The following PTPN2 variants were observed in gnomAD, a reference collection of about 807,000 sequenced individuals.
PTPN2 encodes the protein protein tyrosine phosphatase non-receptor type 2, also known as tyrosine-protein phosphatase non-receptor type 2.
PTPN2 carries 19 observed loss-of-function variants against 57.3 expected under a neutral mutation model. The ratio of observed to expected loss-of-function variants is 0.33; its 90% confidence interval spans 0.23 to 0.49. PTPN2 has a LOEUF of 0.49. Among genes scored for constraint, PTPN2 ranks in the 20% least tolerant of loss-of-function variants. The pLI, the probability that PTPN2 is intolerant of heterozygous loss-of-function variation, is 0.99. For synonymous variants in PTPN2, 153 were observed against 164.9 expected, an observed-to-expected ratio of 0.93 and a Z score of 0.55; for missense variants, 358 against 501.1, an observed-to-expected ratio of 0.71 and a Z score of 2.73.
intron 5 of PTPN2, among the ~76,000 whole-genome samples, chr18:12,818,162 T>C (rs1409589868): frequency 2.6e-5 from 4 of 152,220 alleles, no homozygotes; most frequent in African/African-American, 7.2e-5. Flanking sequence ...AAATTTTTTT[T>C]CTACCAGTAT....
chr18:12,858,098 C>T (rs1336641727), intron 2 of PTPN2, among the ~76,000 whole-genome samples: 1 of 152,074 alleles, frequency 6.6e-6, no homozygotes, highest in Non-Finnish European at 1.5e-5. Flanking sequence ...CCAATGACTA[C>T]AATGTATATA....
chr18:12,870,521 T>TTA (rs2044233815), intron 1 of PTPN2, among the ~76,000 whole-genome samples: 1 of 134,846 alleles, frequency 7.4e-6, no homozygotes, highest in South Asian at 2.5e-4. Flanking sequence ...TTTTTTTTTT[T>TTA]TTTTTGAGAC....
chr18:12,866,164 C>G (rs181520281), intron 1 of PTPN2, among the ~76,000 whole-genome samples: 1 of 152,300 alleles, frequency 6.6e-6, no homozygotes, highest in Admixed American at 6.5e-5. Context: ...ACCAGCCGGG[C>G]GCGGTGGCTC....
chr18:12,843,440 A>G (rs2043110995), intron 2 of PTPN2, among the ~76,000 whole-genome samples: 1 of 152,196 alleles, frequency 6.6e-6, no homozygotes, highest in African/African-American at 2.4e-5. Flanking sequence ...TCTAGAAACA[A>G]CCACACCCTC....
exon 1 of PTPN2, chr18:12,884,221 GGCGCTGCGGCGCATGCGCGCTGCGCGCC>G (rs2044786639): frequency 9.0e-7 from 1 of 1,112,442 alleles, no homozygotes; most frequent in Admixed American, 4.0e-5. Flanking sequence ...GGAGAGCGCT[GGCGCTGCGGCGCATGCGCGCTGCGCGCC>G]GCGCCCCGCC....
At chr18:12,826,141 G>A (rs1347329666) in intron 4 of PTPN2, among the ~76,000 whole-genome samples, 197 bp from the exon 5 acceptor site, 1 of 152,182 alleles carries the variant, frequency 6.6e-6, no homozygotes, top group Non-Finnish European at 1.5e-5. Flanking sequence ...GGTGACTCAC[G>A]CCTGTAATCC....
At chr18:12,804,468 A>G (rs1024688479) in intron 7 of PTPN2, among the ~76,000 whole-genome samples, 5 of 151,800 alleles carry the variant, frequency 3.3e-5, no homozygotes, top group African/African-American at 1.2e-4. Context: ...AAAACCAAGG[A>G]TCATTTTTTT....
intron 2 of PTPN2, among the ~76,000 whole-genome samples, chr18:12,849,375 A>G (rs550624816): frequency 6.6e-6 from 1 of 152,312 alleles, no homozygotes; most frequent in African/African-American, 2.4e-5. Context: ...CCTGACAAAC[A>G]TGGTGAAACC....
intron 1 of PTPN2, 109 bp downstream of exon 1, chr18:12,883,964 G>A: frequency 1.0e-6 from 1 of 976,220 alleles, no homozygotes; most frequent in Non-Finnish European, 1.5e-6. Context: ...TCCGCCCCGA[G>A]CGAGAGGCTA....
At chr18:12,841,024 G>A (rs958969880) in intron 2 of PTPN2, 1 of 1,363,350 alleles carries the variant, frequency 7.3e-7, no homozygotes, top group Non-Finnish European at 9.6e-7. Flanking sequence ...GGGATCTAAA[G>A]GTAAGACATT....
intron 3 of PTPN2, among the ~76,000 whole-genome samples, chr18:12,832,396 T>TA (rs1226251120): frequency 3.9e-5 from 6 of 152,012 alleles, no homozygotes; most frequent in Non-Finnish European, 2.9e-5. Context: ...GGATTACAGG[T>TA]ATCAGCCATG....
intron 2 of PTPN2, chr18:12,839,397 C>G (rs1370491529): frequency 2.6e-5 from 4 of 152,128 alleles, no homozygotes; most frequent in Non-Finnish European, 5.9e-5. Context: ...AAAGGTACAT[C>G]CTTTCTCCTC....
At chr18:12,861,116 A>C (rs1172948224) in intron 1 of PTPN2, among the ~76,000 whole-genome samples, 1 of 152,172 alleles carries the variant, frequency 6.6e-6, no homozygotes, top group Non-Finnish European at 1.5e-5. Flanking sequence ...CTAGGATTAC[A>C]GGTTTGAGCC....
At chr18:12,853,264 C>T (rs1157128760) in intron 2 of PTPN2, among the ~76,000 whole-genome samples, 1 of 152,110 alleles carries the variant, frequency 6.6e-6, no homozygotes, top group African/African-American at 2.4e-5. Flanking sequence ...ATCCTCCTGC[C>T]CCAGCCTCCC....
intron 7 of PTPN2, among the ~76,000 whole-genome samples, chr18:12,802,503 C>A (rs2041467906): frequency 6.6e-6 from 1 of 152,132 alleles, no homozygotes; most frequent in African/African-American, 2.4e-5. Flanking sequence ...GTAGCCAGAT[C>A]CATGAAACTC....
chr18:12,862,860 G>A (rs561128562), intron 1 of PTPN2: 1 of 151,838 alleles, frequency 6.6e-6, no homozygotes, highest in South Asian at 2.1e-4. Context: ...ATAAACTCCT[G>A]GTTGTTAAAT....
intron 3 of PTPN2, among the ~76,000 whole-genome samples, chr18:12,834,950 T>C (rs182146873): frequency 6.4e-4 from 97 of 152,162 alleles, no homozygotes; most frequent in African/African-American, 2.3e-3. Context: ...CACTGCAGTA[T>C]ACCAAAATCC....
At chr18:12,818,395 T>C (rs1290672615) in intron 5 of PTPN2, among the ~76,000 whole-genome samples, 1 of 152,248 alleles carries the variant, frequency 6.6e-6, no homozygotes, top group Non-Finnish European at 1.5e-5. Context: ...AAGCTGTTTA[T>C]ATGCTTTTGC....
In PTPN2 at chr18:12,817,225, C is replaced by T. The variant is rs141927482; in HGVS notation, c.636G>A (p.Ala212=). 623 of 1,614,094 alleles carry T rather than the reference C, an allele frequency of 3.9e-4. 5 individuals carry two copies. The African/African-American group carries it at 6.7e-3, about 17-fold the overall frequency. The change falls in exon 6 of 9, where the codon GCG becomes GCA. Residue 212 remains alanine (A), a synonymous_variant. Transcript: ENST00000309660. The part of the protein sequence containing the change: ...SGSLNPDHGP[A]VIHCSAGIGR... ...CAATGCCTGCACTACAGTGGATCAC[C>T]GCAGGCCCATGGTCAGGGTTCAAGG...
Sources: allele counts gnomAD v4.1 joint callset (sites outside exome capture counted in the v4.1 genomes callset), GRCh38; gene constraint gnomAD v4.1.1; transcripts MANE v1.5; gene names NCBI Gene and HGNC (gene_info 2026-07-23, HGNC 2026-07-21).